The following ZNF732 variants were observed in gnomAD, a reference collection of about 807,000 sequenced individuals.
The protein encoded by ZNF732 is zinc finger protein LOC654254.
A neutral mutation model predicts 11.5 loss-of-function variants in ZNF732; 12 were observed. The observed-to-expected ratio is 1.05, with a 90% confidence interval of 0.67 to 1.70. The LOEUF (loss-of-function observed/expected upper bound fraction) is 1.70. ZNF732 is among the 40% of genes most tolerant of loss of function. The pLI, the probability that ZNF732 is intolerant of heterozygous loss-of-function variation, is 0.00. For synonymous variants in ZNF732, 231 were observed against 236.5 expected, an observed-to-expected ratio of 0.98 and a Z score of 0.21; for missense variants, 702 against 676.9, an observed-to-expected ratio of 1.04 and a Z score of -0.41.
Position 272,475 on chromosome 4 carries a change from C to T in ZNF732, c.382G>A (p.Glu128Lys), listed in dbSNP as rs148975969. 6.4e-5 allele frequency: 103 copies of T among 1,602,204 alleles called. No homozygotes were observed. The East Asian group carries it at 1.8e-3, about 29-fold the overall frequency. Residue 128 changes from glutamate to lysine, a missense_variant, in exon 4 of 4, where the codon GAA becomes AAA. Coordinates refer to ENST00000419098, the MANE Select transcript of ZNF732 (RefSeq NM_001137608.3). ...KRKVQKGGYN[E>K]FNQCLSTIQS... ...ATAGTTGACAAGCATTGATTAAATT[C>T]ATTATAACCTCCTTTCTGCACCTTC...
rs376120998 is a variant in ZNF732, at chr4:271,370, T to C, written c.1487A>G (p.His496Arg). The C allele has an allele frequency of 2.5e-6, 4 of 1,600,984 alleles. No homozygotes were observed. Among genetic ancestry groups the C allele is most frequent in the Admixed American group, 1.7e-5 (1 of 57,442 alleles). The part of the protein sequence containing the change: ...SRALNKHKTI[H>R]TGEKPYECEE... ...ACATTCGTAAGGTTTCTCTCCAGTA[T>C]GAATTGTCTTATGTTTATTCAGGGC... The change falls in exon 4 of 4, where the codon CAT (histidine) becomes CGT (arginine). Residue 496 changes from histidine to arginine, a missense_variant. Coordinates refer to ENST00000419098, the MANE Select transcript of ZNF732 (RefSeq NM_001137608.3).
chr4:274,885 C>T (rs1303315560), intron 3 of ZNF732, among the ~76,000 whole-genome samples: 1 of 151,444 alleles, frequency 6.6e-6, no homozygotes, highest in Non-Finnish European at 1.5e-5. Context: ...GTGTGTCTCC[C>T]CCACATTGAG....
chr4:303,571 A>T (rs1426196646), intron 1 of ZNF732, among the ~76,000 whole-genome samples: 1 of 152,216 alleles, frequency 6.6e-6, no homozygotes, highest in African/African-American at 2.4e-5. Context: ...AGCCGATATC[A>T]CGGCACTGCC....
intron 3 of ZNF732, among the ~76,000 whole-genome samples, chr4:286,480 G>C (rs1719734770): frequency 1.3e-5 from 2 of 152,154 alleles, no homozygotes; most frequent in South Asian, 2.1e-4. Context: ...AAGCAGAAAA[G>C]TTTTTCTATA....
In ZNF732 at chr4:271,893, T is replaced by A. The variant is rs1229215416; in HGVS notation, c.964A>T (p.Thr322Ser). Residue 322 changes from threonine (T) to serine (S), a missense_variant, in exon 4 of 4, where the codon ACT becomes TCT. Physicochemically the swap from Thr to Ser is moderately conservative, Grantham distance 58. Around this residue, in one of 3 missense-constraint regions of ZNF732, gnomAD observed 596 missense variants for 557.9 expected, o/e 1.07. Coordinates refer to ENST00000419098, the MANE Select transcript of ZNF732 (RefSeq NM_001137608.3). ...GKVFNRSTTLTKHNRIHTGEK... is the reference protein window; with the variant it reads ...GKVFNRSTTLSKHNRIHTGEK... Reference sequence around the variant, plus strand: ...CCAGTATGAATTCTGTTATGTTTAGTAAGGGTTGTGGACCTATTAAAGACT... The same window carrying A: ...CCAGTATGAATTCTGTTATGTTTAGAAAGGGTTGTGGACCTATTAAAGACT... The A allele has an allele frequency of 1.9e-6, 3 of 1,613,226 alleles. No homozygotes were observed. Among genetic ancestry groups the A allele is most frequent in the East Asian group, 2.2e-5 (1 of 44,836 alleles).
intron 3 of ZNF732, among the ~76,000 whole-genome samples, chr4:274,495 T>C (rs1719452984): frequency 1.3e-5 from 2 of 151,378 alleles, no homozygotes; most frequent in African/African-American, 2.4e-5. Flanking sequence ...AGTAAAACAA[T>C]AAGATGAGTA....
At chr4:298,668 G>T (rs1191906344) in intron 1 of ZNF732, among the ~76,000 whole-genome samples, 1 of 152,164 alleles carries the variant, frequency 6.6e-6, no homozygotes, top group Admixed American at 6.5e-5. Context: ...AGAGATTCAG[G>T]CTCAATTAGT....
chr4:298,693 A>C (rs532581511), intron 1 of ZNF732, among the ~76,000 whole-genome samples: 2 of 152,304 alleles, frequency 1.3e-5, no homozygotes, highest in South Asian at 4.1e-4. Context: ...TGCAAACAGA[A>C]AATGAAACAG....
intron 3 of ZNF732, among the ~76,000 whole-genome samples, chr4:289,260 T>TA (rs1420335181): frequency 8.1e-4 from 124 of 152,250 alleles, no homozygotes; most frequent in African/African-American, 2.9e-3. Flanking sequence ...AAGAAGGAAT[T>TA]AGACACTCTA....
intron 3 of ZNF732, among the ~76,000 whole-genome samples, chr4:285,710 C>T (rs1553840525): frequency 6.6e-6 from 1 of 152,136 alleles, no homozygotes; most frequent in Non-Finnish European, 1.5e-5. Context: ...CCAACAGACC[C>T]ACGGTCTCCC....
chr4:276,867 C>A (rs6814846), intron 3 of ZNF732, among the ~76,000 whole-genome samples: 2,168 of 145,176 alleles, frequency 0.015, 62 homozygotes, highest in African/African-American at 0.052. Flanking sequence ...AAGGGGGGGA[C>A]AAAAAAAAAC....
chr4:274,688 C>A (rs1230396641), intron 3 of ZNF732, among the ~76,000 whole-genome samples: 1 of 151,596 alleles, frequency 6.6e-6, no homozygotes, highest in African/African-American at 2.4e-5. Context: ...GAAGAGATTT[C>A]ATGCAAATAA....
intron 1 of ZNF732, among the ~76,000 whole-genome samples, chr4:299,352 C>A (rs538103790): frequency 1.1e-5 from 1 of 89,376 alleles, no homozygotes; most frequent in South Asian, 3.2e-4. Flanking sequence ...AGTATATATA[C>A]ACATATATAC....
chr4:304,606 C>T (rs1266418469), intron 1 of ZNF732, among the ~76,000 whole-genome samples: 1 of 152,156 alleles, frequency 6.6e-6, no homozygotes, highest in African/African-American at 2.4e-5. Context: ...TCTGGACACC[C>T]GTCTTCATTT....
At position 302,225 on chromosome 4, in the gene ZNF732, T is replaced by C. The variant is rs140448935; in HGVS notation, c.3+3083A>G. ...AAGCCTAGAGGGCACTTGTGTATAATGTCTGGTGATTCTGGACAGTGTGAG... is the reference window on the plus strand; with the variant it reads ...AAGCCTAGAGGGCACTTGTGTATAACGTCTGGTGATTCTGGACAGTGTGAG... On this transcript the variant is annotated intron_variant, in intron 1 of 3. Transcript: ENST00000419098. 4.2e-3 allele frequency among the ~76,000 whole-genome samples: 636 copies of C among 152,272 alleles called. 2 individuals carry two copies. Among genetic ancestry groups the C allele is most frequent in the African/African-American group, 0.014 (596 of 41,536 alleles).
In ZNF732 at chr4:296,175, A is replaced by G; in HGVS notation, c.4-20T>C. 6.2e-7 allele frequency: 1 copy of G among 1,607,236 alleles called. No homozygotes were observed. The highest frequency in any genetic ancestry group is 8.5e-7 in the Non-Finnish European group (1 of 1,178,576). On this transcript the variant is annotated intron_variant, in intron 1 of 3. Coordinates refer to ENST00000419098, the MANE Select transcript of ZNF732 (RefSeq NM_001137608.3). ...GAGTTCCTGAAAATATATATGTATCAAGTGACAGAGTTCTTAATTTGACTA... is the reference window on the plus strand; with the variant it reads ...GAGTTCCTGAAAATATATATGTATCGAGTGACAGAGTTCTTAATTTGACTA...
intron 3 of ZNF732, among the ~76,000 whole-genome samples, chr4:281,033 G>A (rs1719609421): frequency 6.6e-6 from 1 of 152,152 alleles, no homozygotes; most frequent in South Asian, 2.1e-4. Context: ...TCTTGACGTG[G>A]CACTATAAGC....
rs574613362 is a variant in ZNF732, at chr4:289,542, G to C, written c.226+5896C>G. Among the ~76,000 whole-genome samples, 11 of 152,316 alleles carry C rather than the reference G, an allele frequency of 7.2e-5. No homozygotes were observed. In the South Asian group the frequency reaches 2.3e-3, roughly 32 times the overall value. ...ATAATTCACTTTCACCTGCTTTCTAGATTTTGTACATCTCAGTTCATAAAG... is the reference window on the plus strand; with the variant it reads ...ATAATTCACTTTCACCTGCTTTCTACATTTTGTACATCTCAGTTCATAAAG... On this transcript the variant is annotated intron_variant, in intron 3 of 3. Coordinates refer to ENST00000419098, the MANE Select transcript of ZNF732 (RefSeq NM_001137608.3).
intron 3 of ZNF732, among the ~76,000 whole-genome samples, chr4:288,428 A>G (rs1719776108): frequency 6.6e-6 from 1 of 152,236 alleles, no homozygotes; most frequent in Non-Finnish European, 1.5e-5. Context: ...TACATGGTTC[A>G]GGGGAAGGAT....
Sources: gnomAD v4.1 joint callset for allele counts (sites outside exome capture counted in the v4.1 genomes callset) on GRCh38, gnomAD v4.1.1 for gene constraint, gnomAD v4.1.1 regional missense constraint, MANE v1.5 for transcripts, NCBI Gene and HGNC (gene_info 2026-07-23, HGNC 2026-07-21) for gene names.